Variants in ODAM observed in about 807,000 individuals in gnomAD.
ODAM encodes the protein odontogenic ameloblast-associated protein.
ODAM carries 55 observed loss-of-function variants against 48.5 expected under a neutral mutation model. The ratio of observed to expected loss-of-function variants is 1.13; its 90% CI spans 0.91 to 1.42. The LOEUF is 1.42. Among genes scored for constraint, ODAM ranks in the 40% most tolerant of loss-of-function variants. ODAM has a pLI of 0.00. For synonymous variants in ODAM, 127 were observed against 107.8 expected (o/e 1.18, Z -1.10); for missense variants, 353 against 323.6 (o/e 1.09, Z -0.70).
intron 4 of ODAM, 83 bp downstream of exon 4, chr4:70,197,404 C>T: frequency 1.2e-6 from 1 of 835,056 alleles, no homozygotes; most frequent in Admixed American, 2.1e-5. Context: ...CAAAATGTTT[C>T]CTGATCCTAT....
At chr4:70,196,667 AT>A (rs542967672) in intron 2 of ODAM, 24 bp from the exon 3 acceptor site, 614 of 1,564,178 alleles carry the variant, frequency 3.9e-4, no homozygotes, top group Non-Finnish European at 4.8e-4. Flanking sequence ...ACTATTTCTG[AT>A]TTTTTTTTCA....
chr4:70,200,889 C>T (rs1729480442), intron 7 of ODAM, among the ~76,000 whole-genome samples: 3 of 151,912 alleles, frequency 2.0e-5, no homozygotes. Context: ...AGTTTTCTCA[C>T]ATTTAAAATT....
intron 1 of ODAM, among the ~76,000 whole-genome samples, chr4:70,196,290 T>A (rs1245237425): frequency 6.6e-6 from 1 of 152,006 alleles, no homozygotes; most frequent in Non-Finnish European, 1.5e-5. Context: ...AAATGAGTAT[T>A]TTGTTCAAGC....
chr4:70,199,996 G>A (rs1729461439), intron 6 of ODAM: 5 of 349,542 alleles, frequency 1.4e-5, no homozygotes, highest in Non-Finnish European at 2.7e-5. Flanking sequence ...TTTGTTACTT[G>A]TCTATGTCTT....
intron 8 of ODAM, 107 bp from the exon 9 acceptor site, chr4:70,202,151 A>T (rs988710640): frequency 2.6e-6 from 2 of 754,824 alleles, no homozygotes; most frequent in Middle Eastern, 2.3e-4. Flanking sequence ...TAGCAAAATA[A>T]TTTAAGAAGT....
At chr4:70,202,641 C>CT (rs3841634) in intron 9 of ODAM, 115 bp from the exon 10 acceptor site, 100,151 of 734,848 alleles carry the variant, frequency 0.14, 8,314 homozygotes, top group East Asian at 0.31. Flanking sequence ...AATAGCAACT[C>CT]TTTTTTTAAT....
Position 70,198,059 on chromosome 4 carries a change from T to C in ODAM, c.277T>C (p.Leu93=). 1.9e-6 allele frequency: 3 copies of C among 1,613,336 alleles called. No homozygotes were observed. The highest frequency in any genetic ancestry group is 2.5e-6 in the Non-Finnish European group (3 of 1,179,534). ...FAGLLPNQIP[L]TGEASFAQGA... is the part of the protein sequence containing the mutation. ...TGGACTGCTCCCAAATCAGATACCCTTAACAGGAGAGGCCAGTTTTGCCCA... is the reference window on the plus strand; with the variant it reads ...TGGACTGCTCCCAAATCAGATACCCCTAACAGGAGAGGCCAGTTTTGCCCA... The change falls in exon 5 of 12, where the codon TTA becomes CTA. Residue 93 remains leucine (L), a synonymous_variant. Coordinates refer to ENST00000683306, the MANE Select transcript of ODAM (RefSeq NM_017855.4).
chr4:70,198,558 T>C, intron 5 of ODAM, 21 bp from the exon 6 acceptor site: 1 of 1,572,018 alleles, frequency 6.4e-7, no homozygotes. Flanking sequence ...TACATTTTTA[T>C]ATAATTCTTT....
At chr4:70,203,835 C>G (rs1347204792) in intron 11 of ODAM, among the ~76,000 whole-genome samples, 4 of 151,900 alleles carry the variant, frequency 2.6e-5, no homozygotes, top group Non-Finnish European at 5.9e-5. Context: ...AATCTCCTCC[C>G]TGCTGCCTGT....
intron 11 of ODAM, 92 bp downstream of exon 11, chr4:70,203,306 T>C: frequency 1.4e-6 from 1 of 702,434 alleles, no homozygotes; most frequent in Admixed American, 2.3e-5. Flanking sequence ...CTAATGGAGT[T>C]CTTACCAAAG....
intron 8 of ODAM, 136 bp downstream of exon 8, chr4:70,201,637 A>C (rs1729496387): frequency 3.2e-6 from 2 of 622,702 alleles, no homozygotes; most frequent in East Asian, 6.1e-5. Flanking sequence ...GTATCCACTC[A>C]GTACAAGGAG....
chr4:70,195,747 A>G lies in ODAM; in HGVS notation c.-62A>G, dbSNP rs1177687169. The G allele has an allele frequency of 2.0e-6, 2 of 983,584 alleles. No homozygotes were observed. Among genetic ancestry groups the G allele is most frequent in the Non-Finnish European group, 2.4e-6 (2 of 828,536 alleles). 60.9% of individuals were successfully genotyped at this position (983,584 alleles called of 1,614,324 possible). On this transcript the variant is annotated 5_prime_UTR_variant, in exon 1 of 12. Transcript: ENST00000683306. ...AGTAGAGCTGAGAGAGGAAAAGAACACAGATCTCGCATGGTTCAGATTTTT... is the reference window on the plus strand; with the variant it reads ...AGTAGAGCTGAGAGAGGAAAAGAACGCAGATCTCGCATGGTTCAGATTTTT...
In ODAM at chr4:70,196,381, A is replaced by T. The variant is rs939305293; in HGVS notation, c.-15-148A>T. 5.9e-5 allele frequency: 31 copies of T among 522,686 alleles called. No individual in the cohort carries two copies. The African/African-American group carries it at 6.1e-4, about 10-fold the overall frequency. The allele number at this position is 522,686 out of a possible 1,614,324, so 32.4% of individuals were successfully genotyped here. A position where few individuals can be genotyped will look rare whatever the true frequency, so the allele number is the denominator to read the frequency against. On this transcript the variant is annotated intron_variant, in intron 1 of 11. Transcript: ENST00000683306. ...AAAGAGTTATATCAGAAATTTACAA[A>T]CATAACTTTTTAAATTTTAAATTGC...
At position 70,198,089 on chromosome 4, in the gene ODAM, G is replaced by A. The variant is rs1275685106; in HGVS notation, c.307G>A (p.Ala103Thr). 6.2e-7 allele frequency: 1 copy of A among 1,613,254 alleles called. No individual in the cohort carries two copies. Among genetic ancestry groups the A allele is most frequent in the South Asian group, 1.1e-5 (1 of 91,068 alleles). Residue 103 changes from alanine (A) to threonine (T), a missense_variant, in exon 5 of 12, where the codon GCC becomes ACC. Ala to Thr is a moderately conservative substitution (Grantham distance 58). Transcript: ENST00000683306. ...LTGEASFAQG[A>T]QAGQVDPLQL... is the part of the protein sequence containing the mutation. ...AGGAGAGGCCAGTTTTGCCCAAGGA[G>A]CCCAGGCAGGCCAAGTTGATCCCTT...
At chr4:70,202,641 C>T in intron 9 of ODAM, 115 bp from the exon 10 acceptor site, 3 of 735,548 alleles carry the variant, frequency 4.1e-6, no homozygotes, top group Non-Finnish European at 6.5e-6. Flanking sequence ...AATAGCAACT[C>T]TTTTTTTAAT....
intron 4 of ODAM, chr4:70,197,615 A>G: frequency 1.9e-6 from 1 of 538,378 alleles, no homozygotes; most frequent in Non-Finnish European, 3.3e-6. Flanking sequence ...AACCAGTAAC[A>G]GCAGGTTGGC....
intron 4 of ODAM, 106 bp from the exon 5 acceptor site, chr4:70,197,818 G>A: frequency 1.3e-6 from 1 of 792,494 alleles, no homozygotes. Flanking sequence ...TGCAACATTG[G>A]AACTATAGAA....
In ODAM at chr4:70,198,562, ATTC is replaced by A. The variant is rs1244269994; in HGVS notation, c.376-14_376-12del. 1 of 1,578,204 alleles carries A rather than the reference ATTC, an allele frequency of 6.3e-7. No homozygotes were observed. Among genetic ancestry groups the A allele is most frequent in the Non-Finnish European group, 8.6e-7 (1 of 1,164,132 alleles). On this transcript the variant is annotated splice_polypyrimidine_tract_variant and intron_variant, in intron 5 of 11. Transcript: ENST00000683306. Reference sequence around the variant, plus strand: ...AAAGTCAAGCATACATTTTTATATAATTCTTTTTTTTGGCAGGTGATGCCCTAT... The same window carrying A: ...AAAGTCAAGCATACATTTTTATATAATTTTTTTTGGCAGGTGATGCCCTAT...
At chr4:70,197,675 G>A (rs552460744) in intron 4 of ODAM, 5 of 561,126 alleles carry the variant, frequency 8.9e-6, no homozygotes, top group African/African-American at 7.6e-5. Context: ...AAACCAGTGT[G>A]GCATATGCAG....
Sources: gnomAD v4.1 joint callset for allele counts (sites outside exome capture counted in the v4.1 genomes callset) on GRCh38, gnomAD v4.1.1 for gene constraint, MANE v1.5 for transcripts, NCBI Gene and HGNC (gene_info 2026-07-23, HGNC 2026-07-21) for gene names.